The following CELF1 variants were observed in gnomAD, a reference collection of about 807,000 sequenced individuals.
CELF1 encodes CUGBP Elav-like family member 1.
In CELF1, 10 loss-of-function variants were observed where a neutral mutation model predicts 61.8. That is an observed-to-expected ratio of 0.16 (90% confidence interval 0.10 to 0.27). The LOEUF (loss-of-function observed/expected upper bound fraction) is 0.27, where lower values mean the gene tolerates loss of function less well. CELF1 is among the 10% of genes least tolerant of loss of function. The probability of loss-of-function intolerance (pLI) is 1.00; values close to 1 mark genes in which losing one functional copy is unlikely to be tolerated. For missense variants in CELF1, 380 were observed against 639.1 expected (o/e 0.59, Z 4.37); for synonymous variants, 236 against 225.1 (o/e 1.05, Z -0.43).
At chr11:47,492,179 T>A (rs1009054896) in intron 3 of CELF1, among the ~76,000 whole-genome samples, 1 of 152,058 alleles carries the variant, frequency 6.6e-6, no homozygotes, top group Non-Finnish European at 1.5e-5. Context: ...AGGGTCTCAC[T>A]ATGTTGCAAG....
chr11:47,562,951 C>A (rs1482899306), intron 2 of CELF1, among the ~76,000 whole-genome samples: 1 of 151,956 alleles, frequency 6.6e-6, no homozygotes, highest in Admixed American at 6.6e-5. Flanking sequence ...AGGTGATCTG[C>A]CTGCCTCTGC....
chr11:47,514,466 T>C (rs1488844144), intron 1 of CELF1, among the ~76,000 whole-genome samples: 1 of 152,112 alleles, frequency 6.6e-6, no homozygotes, highest in Non-Finnish European at 1.5e-5. Flanking sequence ...TCCATGAGTA[T>C]ATAAGCACCT....
At chr11:47,515,090 T>A (rs907409872) in intron 1 of CELF1, among the ~76,000 whole-genome samples, 39 of 152,188 alleles carry the variant, frequency 2.6e-4, no homozygotes, top group African/African-American at 8.9e-4. Flanking sequence ...GCAGTAGCAA[T>A]TTACATATGG....
intron 2 of CELF1, among the ~76,000 whole-genome samples, chr11:47,558,946 T>C (rs1343578328): frequency 1.4e-5 from 2 of 138,712 alleles, no homozygotes; most frequent in Non-Finnish European, 3.0e-5. Context: ...CGGTATGTAA[T>C]ATATTACATA....
intron 2 of CELF1, among the ~76,000 whole-genome samples, chr11:47,563,037 T>C (rs577966627): frequency 6.6e-6 from 1 of 152,022 alleles, no homozygotes; most frequent in East Asian, 1.9e-4. Flanking sequence ...GGCAACATAG[T>C]GAGACCCCAT....
At chr11:47,506,552 G>A (rs952796297) in intron 1 of CELF1, among the ~76,000 whole-genome samples, 2 of 152,224 alleles carry the variant, frequency 1.3e-5, no homozygotes, top group Non-Finnish European at 2.9e-5. Context: ...CTGGTGTAGA[G>A]TATTCCTCCC....
intron 1 of CELF1, among the ~76,000 whole-genome samples, chr11:47,534,201 T>C (rs545032542): frequency 1.3e-5 from 2 of 151,392 alleles, no homozygotes; most frequent in East Asian, 4.0e-4. Flanking sequence ...GCTAATATTT[T>C]GTATTTCTAG....
chr11:47,525,513 T>C (rs1277207772), intron 1 of CELF1, among the ~76,000 whole-genome samples: 2 of 152,232 alleles, frequency 1.3e-5, no homozygotes, highest in South Asian at 2.1e-4. Context: ...GGTTTCACCA[T>C]GCTGCCCAGG....
upstream of CELF1, among the ~76,000 whole-genome samples, chr11:47,553,819 T>TA (rs376214279): frequency 0.017 from 900 of 53,150 alleles, 7 homozygotes; most frequent in Middle Eastern, 0.056. Context: ...TATATATATA[T>TA]TTTTTTTTCT....
chr11:47,475,687 C>A (rs1025057609), intron 12 of CELF1, among the ~76,000 whole-genome samples, 166 bp from the exon 13 acceptor site: 1 of 152,214 alleles, frequency 6.6e-6, no homozygotes, highest in African/African-American at 2.4e-5. Context: ...GATTTCAGGA[C>A]ATTCACCAGG....
chr11:47,514,296 A>G (rs1466321302), intron 1 of CELF1, among the ~76,000 whole-genome samples: 2 of 152,072 alleles, frequency 1.3e-5, no homozygotes, highest in African/African-American at 4.8e-5. Flanking sequence ...TTTTGCACCT[A>G]ACAATGATAA....
intron 1 of CELF1, among the ~76,000 whole-genome samples, chr11:47,501,741 T>A (rs1300789582): frequency 6.6e-6 from 1 of 152,014 alleles, no homozygotes; most frequent in Non-Finnish European, 1.5e-5. Flanking sequence ...GAGAATAGCT[T>A]GAACCCAGGA....
At position 47,472,208 on chromosome 11, in the gene CELF1, CCA is replaced by C; in HGVS notation, c.*20_*21del. On this transcript the variant is annotated 3_prime_UTR_variant, in exon 15 of 15. Coordinates refer to ENST00000687097, the MANE Select transcript of CELF1 (RefSeq NM_001376376.1). The stretch of plus-strand genomic sequence containing the variant: ...CCACTTACCAGAAGACCCTCTCACT[CCA>C]GTCTCAGAGGGGAGCACGCTCAGTA... 1 of 1,612,508 alleles carries C rather than the reference CCA, an allele frequency of 6.2e-7. No homozygotes were observed. The highest frequency in any genetic ancestry group is 8.5e-7 in the Non-Finnish European group (1 of 1,179,312).
At chr11:47,493,507 CAAAAAGAAAAA>C (rs1352288359) in intron 3 of CELF1, among the ~76,000 whole-genome samples, 1,808 of 80,252 alleles carry the variant, frequency 0.023, 36 homozygotes, top group African/African-American at 0.093. Flanking sequence ...GACTCCATCT[CAAAAAGAAAAA>C]AAAAAAAAAA....
chr11:47,481,542 A>C (rs942529313), intron 9 of CELF1, among the ~76,000 whole-genome samples: 10 of 152,350 alleles, frequency 6.6e-5, no homozygotes, highest in Middle Eastern at 3.4e-3. Flanking sequence ...ATACAGAATA[A>C]TACTTGAAAT....
At chr11:47,506,505 G>T (rs1036154632) in intron 1 of CELF1, among the ~76,000 whole-genome samples, 3 of 152,206 alleles carry the variant, frequency 2.0e-5, no homozygotes, top group Non-Finnish European at 4.4e-5. Flanking sequence ...AGCTGTCCTG[G>T]GCTACATGCA....
chr11:47,501,683 C>T (rs774552049), intron 1 of CELF1, among the ~76,000 whole-genome samples: 8 of 151,910 alleles, frequency 5.3e-5, no homozygotes, highest in African/African-American at 1.5e-4. Context: ...ATTAGCTGGG[C>T]GAGGTGGCAC....
At chr11:47,499,326 AG>A in intron 3 of CELF1, 126 bp downstream of exon 3, 1 of 658,976 alleles carries the variant, frequency 1.5e-6, no homozygotes, top group Non-Finnish European at 2.6e-6. Context: ...GAGAGAATTC[AG>A]GTTGTTTTGG....
At chr11:47,563,340 A>G (rs1272317323) in intron 2 of CELF1, among the ~76,000 whole-genome samples, 1 of 152,210 alleles carries the variant, frequency 6.6e-6, no homozygotes, top group Non-Finnish European at 1.5e-5. Context: ...TTGGGAGAAA[A>G]TGGTGAGTCT....
Sources: gnomAD v4.1 joint callset for allele counts (sites outside exome capture counted in the v4.1 genomes callset) on GRCh38, gnomAD v4.1.1 for gene constraint, MANE v1.5 for transcripts, NCBI Gene and HGNC (gene_info 2026-07-23, HGNC 2026-07-21) for gene names.